The following RAD51B variants were observed in gnomAD, a reference collection of about 807,000 sequenced individuals.
The protein encoded by RAD51B is DNA repair protein RAD51 homolog 2.
RAD51B carries 38 observed loss-of-function variants against 42.2 expected under a neutral mutation model. The ratio of observed to expected loss-of-function variants is 0.90; its 90% CI spans 0.70 to 1.18. The LOEUF (loss-of-function observed/expected upper bound fraction) is 1.18. Ranked by LOEUF, RAD51B falls within the 50% of genes most tolerant of loss-of-function variation. The pLI is 0.00. For missense variants in RAD51B, 373 were observed against 400.7 expected (o/e 0.93, Z 0.59); for synonymous variants, 154 against 145.2 (o/e 1.06, Z -0.43).
chr14:67,836,900 G>A (rs553190381), intron 4 of RAD51B, among the ~76,000 whole-genome samples: 5 of 152,170 alleles, frequency 3.3e-5, no homozygotes, highest in Non-Finnish European at 7.4e-5. Context: ...CTTCTTGCTT[G>A]AAAGTTCTAG....
At chr14:67,981,148 G>A (rs2075085206) in intron 7 of RAD51B, among the ~76,000 whole-genome samples, 1 of 152,232 alleles carries the variant, frequency 6.6e-6, no homozygotes, top group Admixed American at 6.5e-5. Flanking sequence ...CCAGAAGTTC[G>A]AGACCATAAG....
intron 7 of RAD51B, among the ~76,000 whole-genome samples, chr14:68,275,378 A>G (rs1442686701): frequency 6.6e-6 from 1 of 152,176 alleles, no homozygotes; most frequent in Non-Finnish European, 1.5e-5. Flanking sequence ...TGAAAACATA[A>G]TGGAAAAGTG....
chr14:68,013,525 T>G (rs2075723232), intron 7 of RAD51B, among the ~76,000 whole-genome samples: 1 of 152,200 alleles, frequency 6.6e-6, no homozygotes, highest in Admixed American at 6.5e-5. Flanking sequence ...TAATTGCTTA[T>G]GTAGCATTTA....
At chr14:68,674,074 A>T (rs1362614172) in intron 11 of RAD51B, among the ~76,000 whole-genome samples, 1 of 152,150 alleles carries the variant, frequency 6.6e-6, no homozygotes, top group African/African-American at 2.4e-5. Flanking sequence ...ACATAAACAC[A>T]CATACTGTAC....
chr14:68,134,649 A>C (rs2077971026), intron 7 of RAD51B, among the ~76,000 whole-genome samples: 1 of 152,130 alleles, frequency 6.6e-6, no homozygotes, highest in African/African-American at 2.4e-5. Context: ...TTGTGATTTT[A>C]ATTTACATTT....
intron 7 of RAD51B, chr14:68,149,579 A>T (rs531667282): frequency 6.6e-6 from 1 of 152,190 alleles, no homozygotes; most frequent in East Asian, 1.9e-4. Context: ...CATTGTCTTG[A>T]TTACTGTAGC....
intron 7 of RAD51B, among the ~76,000 whole-genome samples, chr14:68,145,563 T>C (rs184860554): frequency 3.3e-5 from 5 of 152,352 alleles, no homozygotes; most frequent in Admixed American, 3.3e-4. Flanking sequence ...ATGTGATATG[T>C]GTAAATAATA....
chr14:68,484,508 C>T (rs533224589), intron 10 of RAD51B, among the ~76,000 whole-genome samples: 118 of 152,126 alleles, frequency 7.8e-4, no homozygotes, highest in Non-Finnish European at 8.8e-4. Context: ...CAGGCGCCCA[C>T]CACCACGCCC....
intron 10 of RAD51B, among the ~76,000 whole-genome samples, chr14:68,628,997 G>C (rs1702742879): frequency 6.6e-6 from 1 of 152,310 alleles, no homozygotes; most frequent in East Asian, 1.9e-4. Flanking sequence ...GGGTTGGAAG[G>C]GGGCAGTCCT....
rs751428400 is a variant in RAD51B, at chr14:68,381,491, T to C, written c.854-29933T>C. Among the ~76,000 whole-genome samples, 218 of 152,052 alleles carry C rather than the reference T, an allele frequency of 1.4e-3. 5 individuals carry two copies. The highest frequency in any genetic ancestry group is 3.8e-4 in the Non-Finnish European group (26 of 68,024). On this transcript the variant is annotated intron_variant, in intron 8 of 10. Coordinates refer to ENST00000471583, the MANE Select transcript of RAD51B (RefSeq NM_133510.4). ...GAGATCGAGACCATCCTGGCCAACA[T>C]GGTGAAACCCCGTCTCTACTAAAAA...
chr14:68,630,369 C>T (rs1324454693), intron 10 of RAD51B, among the ~76,000 whole-genome samples: 1 of 152,002 alleles, frequency 6.6e-6, no homozygotes, highest in Non-Finnish European at 1.5e-5. Flanking sequence ...CGCTCTTTCT[C>T]CCCCACTAGT....
At chr14:68,196,813 T>C (rs2079382494) in intron 7 of RAD51B, among the ~76,000 whole-genome samples, 1 of 152,242 alleles carries the variant, frequency 6.6e-6, no homozygotes. Flanking sequence ...GTATGAACTT[T>C]GGATCAAATG....
intron 7 of RAD51B, among the ~76,000 whole-genome samples, chr14:68,001,231 T>G (rs2075476804): frequency 6.6e-6 from 1 of 152,166 alleles, no homozygotes; most frequent in South Asian, 2.1e-4. Context: ...ATATTTTCTA[T>G]GGAATCATAT....
At chr14:68,125,555 C>G (rs2077739184) in intron 7 of RAD51B, 1 of 152,154 alleles carries the variant, frequency 6.6e-6, no homozygotes, top group Non-Finnish European at 1.5e-5. Context: ...GCAAGCTGAA[C>G]TTCAATATTT....
intron 11 of RAD51B, among the ~76,000 whole-genome samples, chr14:68,657,911 C>T (rs981632160): frequency 6.6e-6 from 1 of 152,224 alleles, no homozygotes; most frequent in African/African-American, 2.4e-5. Context: ...GCTCAGCTGC[C>T]AGCTGTTTTC....
At chr14:68,613,503 G>C (rs1891753424), downstream of RAD51B, among the ~76,000 whole-genome samples, 1 of 151,018 alleles carries the variant, frequency 6.6e-6, no homozygotes, top group Non-Finnish European at 1.5e-5. Flanking sequence ...ACCCAGGCTG[G>C]AGTGCAGTGG....
chr14:68,570,452 C>A (rs534854082), intron 10 of RAD51B, among the ~76,000 whole-genome samples: 1 of 152,330 alleles, frequency 6.6e-6, no homozygotes, highest in South Asian at 2.1e-4. Context: ...ATCTGAAGGT[C>A]ACTGTAGGAC....
At chr14:68,599,151 C>T (rs1891120069), downstream of RAD51B, among the ~76,000 whole-genome samples, 1 of 152,216 alleles carries the variant, frequency 6.6e-6, no homozygotes, top group African/African-American at 2.4e-5. Flanking sequence ...CCTATTCCCA[C>T]ACTCTTTGAA....
At chr14:68,640,003 C>T (rs539107756) in intron 10 of RAD51B, among the ~76,000 whole-genome samples, 6 of 152,036 alleles carry the variant, frequency 3.9e-5, no homozygotes, top group South Asian at 4.2e-4. Context: ...GGTTTCACCA[C>T]GTTGGCCAGG....
Sources: gnomAD v4.1 joint callset for allele counts (sites outside exome capture counted in the v4.1 genomes callset) on GRCh38, gnomAD v4.1.1 for gene constraint, MANE v1.5 for transcripts, NCBI Gene and HGNC (gene_info 2026-07-23, HGNC 2026-07-21) for gene names.